RSU1: variants seen among roughly 807,000 people sequenced by gnomAD.
RSU1 encodes rsu-1.
RSU1 carries 26 observed loss-of-function variants against 31.1 expected under a neutral mutation model. The observed-to-expected ratio is 0.84, with a 90% CI of 0.61 to 1.16. The LOEUF (loss-of-function observed/expected upper bound fraction) is 1.16. Ranked by LOEUF, RSU1 falls within the 50% of genes most tolerant of loss-of-function variation. The probability of loss-of-function intolerance (pLI) is 0.00; values close to 1 mark genes in which losing one functional copy is unlikely to be tolerated. For synonymous variants in RSU1, 164 were observed against 136.3 expected (o/e 1.20, Z -1.41); for missense variants, 320 against 339.1 (o/e 0.94, Z 0.44).
chr10:16,601,222 C>T (rs1181489420), intron 8 of RSU1, among the ~76,000 whole-genome samples: 1 of 152,220 alleles, frequency 6.6e-6, no homozygotes, highest in Non-Finnish European at 1.5e-5. Context: ...AGGTCTGTCC[C>T]TCCATGTCTC....
chr10:16,640,870 A>G (rs1834428592), intron 8 of RSU1, among the ~76,000 whole-genome samples: 1 of 152,220 alleles, frequency 6.6e-6, no homozygotes, highest in Non-Finnish European at 1.5e-5. Context: ...TGAATCCCTT[A>G]GCCAAGGGCC....
At chr10:16,727,997 G>A (rs868584439) in intron 7 of RSU1, among the ~76,000 whole-genome samples, 4 of 152,156 alleles carry the variant, frequency 2.6e-5, no homozygotes, top group African/African-American at 7.2e-5. Flanking sequence ...CTGGCATCTC[G>A]GAGAGAGAAA....
At chr10:16,617,695 C>A (rs1390062756) in intron 8 of RSU1, among the ~76,000 whole-genome samples, 2 of 152,168 alleles carry the variant, frequency 1.3e-5, no homozygotes, top group East Asian at 3.8e-4. Flanking sequence ...CACCTACAAC[C>A]ATCTGACCTT....
chr10:16,688,811 G>A (rs894035286), intron 8 of RSU1, among the ~76,000 whole-genome samples: 2 of 149,258 alleles, frequency 1.3e-5, no homozygotes, highest in African/African-American at 2.6e-5. Flanking sequence ...GAGTAGCTTG[G>A]GCAACATAGC....
chr10:16,722,881 C>CAT (rs1306511360), intron 7 of RSU1, among the ~76,000 whole-genome samples: 1 of 138,476 alleles, frequency 7.2e-6, no homozygotes, highest in Admixed American at 8.1e-5. Context: ...TATATACACA[C>CAT]ATATACATAT....
intron 8 of RSU1, among the ~76,000 whole-genome samples, chr10:16,615,640 C>T (rs148269216): frequency 1.4e-4 from 21 of 152,304 alleles, no homozygotes; most frequent in East Asian, 1.9e-4. Context: ...TGAACTAAAA[C>T]GCTCCTCAGC....
At chr10:16,693,879 T>C (rs1017290614) in intron 8 of RSU1, among the ~76,000 whole-genome samples, 1 of 151,962 alleles carries the variant, frequency 6.6e-6, no homozygotes, top group African/African-American at 2.4e-5. Flanking sequence ...AATTAATTAA[T>C]TAATTAAAAA....
chr10:16,693,791 G>A (rs1055205707), intron 8 of RSU1, among the ~76,000 whole-genome samples: 3 of 152,078 alleles, frequency 2.0e-5, no homozygotes, highest in Admixed American at 6.6e-5. Context: ...CAGCCCAGGC[G>A]CTTGAGGCTG....
intron 7 of RSU1, among the ~76,000 whole-genome samples, chr10:16,724,387 G>T (rs772399931): frequency 3.3e-5 from 5 of 152,206 alleles, no homozygotes; most frequent in Non-Finnish European, 7.3e-5. Flanking sequence ...AAACTATAAT[G>T]AACATTAGCT....
In RSU1 at chr10:16,669,374, C is replaced by T. The variant is rs560183550; in HGVS notation, c.731+25649G>A. Among the ~76,000 whole-genome samples the T allele has an allele frequency of 6.8e-5, 10 of 147,846 alleles. No individual in the cohort carries two copies. In the East Asian group the frequency reaches 1.8e-3, roughly 26 times the overall value. Reference sequence around the variant, plus strand: ...GAAATTAACATTTTCTGTTTTTTTTCCCCCCCCAAAGCACCATACTGCTTT... The same window carrying T: ...GAAATTAACATTTTCTGTTTTTTTTTCCCCCCCAAAGCACCATACTGCTTT... On this transcript the variant is annotated intron_variant, in intron 8 of 8. Coordinates refer to ENST00000345264, the MANE Select transcript of RSU1 (RefSeq NM_012425.4).
intron 8 of RSU1, among the ~76,000 whole-genome samples, chr10:16,616,741 C>T (rs1019025213): frequency 6.6e-6 from 1 of 152,184 alleles, no homozygotes; most frequent in Non-Finnish European, 1.5e-5. Flanking sequence ...TAATCCATCA[C>T]ATTAACTGAA....
intron 4 of RSU1, among the ~76,000 whole-genome samples, chr10:16,761,951 C>G (rs899796845): frequency 3.9e-5 from 6 of 152,154 alleles, no homozygotes; most frequent in African/African-American, 1.4e-4. Context: ...CAAGTCTCGG[C>G]TCCTGTGCTC....
intron 8 of RSU1, among the ~76,000 whole-genome samples, chr10:16,680,291 C>T (rs1331512260): frequency 6.6e-6 from 1 of 151,938 alleles, no homozygotes; most frequent in Non-Finnish European, 1.5e-5. Flanking sequence ...ACAGAATGTA[C>T]ACGTGAAGCC....
intron 4 of RSU1, among the ~76,000 whole-genome samples, chr10:16,763,201 G>A (rs1837244179): frequency 6.6e-6 from 1 of 152,152 alleles, no homozygotes; most frequent in Admixed American, 6.5e-5. Context: ...CGCAGTTCCG[G>A]TTGGGGTCTA....
intron 3 of RSU1, among the ~76,000 whole-genome samples, chr10:16,776,509 A>C (rs2131641527): frequency 6.6e-6 from 1 of 151,782 alleles, no homozygotes; most frequent in South Asian, 2.1e-4. Flanking sequence ...AAAAACCCAC[A>C]TTTTGCCATA....
At chr10:16,777,531 G>A (rs1029011898) in intron 3 of RSU1, among the ~76,000 whole-genome samples, 3 of 152,264 alleles carry the variant, frequency 2.0e-5, no homozygotes, top group South Asian at 2.1e-4. Flanking sequence ...GTGCAGGGCC[G>A]GAGAGCCTGC....
chr10:16,696,254 T>A (rs1588720641), intron 7 of RSU1, among the ~76,000 whole-genome samples: 1 of 152,172 alleles, frequency 6.6e-6, no homozygotes, highest in East Asian at 1.9e-4. Context: ...CTGTTGCTGT[T>A]CCCAGGTTCT....
chr10:16,773,545 G>A (rs1837465791), intron 3 of RSU1, among the ~76,000 whole-genome samples: 1 of 152,190 alleles, frequency 6.6e-6, no homozygotes, highest in Non-Finnish European at 1.5e-5. Context: ...CACTTGCAGA[G>A]GCAGCAGGGG....
chr10:16,727,145 C>A (rs1012113085), intron 7 of RSU1: 16 of 456,394 alleles, frequency 3.5e-5, no homozygotes, highest in Non-Finnish European at 5.7e-5. Context: ...CAGGATGTGG[C>A]CTCCCATCTT....
Sources: gnomAD v4.1 joint callset for allele counts (sites outside exome capture counted in the v4.1 genomes callset) on GRCh38, gnomAD v4.1.1 for gene constraint, MANE v1.5 for transcripts, NCBI Gene and HGNC (gene_info 2026-07-23, HGNC 2026-07-21) for gene names.